SNX25: variants seen among roughly 807,000 people sequenced by gnomAD.
The protein encoded by SNX25 is sorting nexin-25.
In SNX25, 62 loss-of-function variants were observed where a neutral mutation model predicts 113.7. That is an observed-to-expected ratio of 0.55 (90% CI 0.44 to 0.67). The LOEUF (loss-of-function observed/expected upper bound fraction) is 0.67. SNX25 is among the 30% of genes least tolerant of loss of function. The pLI, the probability that SNX25 is intolerant of heterozygous loss-of-function variation, is 0.00. For missense variants in SNX25, 1,014 were observed against 1,161.0 expected, an observed-to-expected ratio of 0.87 and a Z score of 1.84; for synonymous variants, 421 against 436.2, an observed-to-expected ratio of 0.97 and a Z score of 0.43.
intron 7 of SNX25, among the ~76,000 whole-genome samples, chr4:185,311,362 A>T (rs889046702): frequency 6.6e-6 from 1 of 152,186 alleles, no homozygotes; most frequent in African/African-American, 2.4e-5. Context: ...GAACCATAAC[A>T]TCTCTCTGAC....
intron 6 of SNX25, among the ~76,000 whole-genome samples, chr4:185,290,782 A>G (rs1752059601): frequency 1.3e-5 from 2 of 149,400 alleles, no homozygotes; most frequent in African/African-American, 5.0e-5. Flanking sequence ...AAAGGTCAGA[A>G]TCTAGTTTAA....
At chr4:185,289,467 G>T (rs1751845597) in intron 6 of SNX25, among the ~76,000 whole-genome samples, 1 of 152,158 alleles carries the variant, frequency 6.6e-6, no homozygotes, top group South Asian at 2.1e-4. Context: ...AGAAGGGCAG[G>T]TGCCAAATCC....
At chr4:185,337,142 T>C (rs2095235449) in intron 10 of SNX25, among the ~76,000 whole-genome samples, 1 of 152,228 alleles carries the variant, frequency 6.6e-6, no homozygotes, top group African/African-American at 2.4e-5. Context: ...TTATTTCTTT[T>C]GCTGTGCAGT....
intron 1 of SNX25, among the ~76,000 whole-genome samples, chr4:185,235,493 T>C (rs1560916353): frequency 6.6e-6 from 1 of 152,226 alleles, no homozygotes; most frequent in East Asian, 1.9e-4. Flanking sequence ...ATTTTTCCAG[T>C]TCACCTATGC....
chr4:185,271,140 A>C (rs1333374246), intron 5 of SNX25, among the ~76,000 whole-genome samples: 1 of 152,154 alleles, frequency 6.6e-6, no homozygotes, highest in African/African-American at 2.4e-5. Flanking sequence ...CCTTTTGTGC[A>C]CTATTCCTGT....
At chr4:185,291,020 T>G (rs145508078) in intron 6 of SNX25, among the ~76,000 whole-genome samples, 62 of 152,312 alleles carry the variant, frequency 4.1e-4, no homozygotes, top group African/African-American at 1.5e-3. Context: ...GGATGACATT[T>G]TATGGCTACC....
In SNX25 at chr4:185,209,914, A is replaced by G. The variant is rs2111459579; in HGVS notation, c.88A>G (p.Arg30Gly). 1 of 982,844 alleles carries G rather than the reference A, an allele frequency of 1.0e-6. No homozygotes were observed. The highest frequency in any genetic ancestry group is 6.2e-5 in the Admixed American group (1 of 16,084). 60.9% of individuals were successfully genotyped at this position (982,844 alleles called of 1,614,324 possible). The change falls in exon 1 of 19, where the codon AGG (arginine) becomes GGG (glycine). Residue 30 changes from arginine (R) to glycine (G), a missense_variant. Physicochemically the swap from Arg to Gly is moderately radical, Grantham distance 125. Coordinates refer to ENST00000652585, the MANE Select transcript of SNX25 (RefSeq NM_001378034.2). The surrounding 1 kb of genome is among the most constrained non-coding windows in gnomAD (Gnocchi z 5.2). Reference sequence around the variant, plus strand: ...CGGCGGCCGTCCTGTCTCGGGCTTCAGGGGCGAGCGGCGGCCGGAGTCCCC... The same window carrying G: ...CGGCGGCCGTCCTGTCTCGGGCTTCGGGGGCGAGCGGCGGCCGGAGTCCCC... ...GAGGRPVSGF[R>G]GERRPESPGD...
intron 12 of SNX25, 98 bp from the exon 13 acceptor site, chr4:185,346,436 CAGG>C (rs2095287135): frequency 1.3e-6 from 1 of 780,072 alleles, no homozygotes; most frequent in Non-Finnish European, 2.1e-6. Context: ...GGAACAAGTA[CAGG>C]AGGAGGATAT....
intron 1 of SNX25, among the ~76,000 whole-genome samples, chr4:185,226,816 C>T (rs1011177950): frequency 1.3e-5 from 2 of 152,234 alleles, no homozygotes; most frequent in African/African-American, 2.4e-5. Flanking sequence ...AGAAATCCTA[C>T]TGTAAAGAAA....
At chr4:185,216,807 C>T (rs1738930371) in intron 1 of SNX25, among the ~76,000 whole-genome samples, 1 of 152,014 alleles carries the variant, frequency 6.6e-6, no homozygotes, top group African/African-American at 2.4e-5. Context: ...AGCTGTGAGC[C>T]ACCTCGCCCG....
chr4:185,297,831 C>G (rs191746219), intron 6 of SNX25, among the ~76,000 whole-genome samples: 4 of 132,596 alleles, frequency 3.0e-5, no homozygotes, highest in African/African-American at 1.2e-4. Flanking sequence ...CTAAATGTTT[C>G]AAAGTGCCTA....
intron 1 of SNX25, among the ~76,000 whole-genome samples, chr4:185,230,941 C>A (rs1368170938): frequency 6.6e-6 from 1 of 152,116 alleles, no homozygotes; most frequent in Non-Finnish European, 1.5e-5. Flanking sequence ...CAGATAGGGG[C>A]TTCCTGATGT....
At chr4:185,376,955 C>T in the SNX25 span, 1 of 1,613,972 alleles carries the variant, frequency 6.2e-7, no homozygotes, top group South Asian at 1.1e-5. Context: ...CAGAGTGTCT[C>T]CTTTCAGTAT....
intron 1 of SNX25, among the ~76,000 whole-genome samples, chr4:185,240,915 C>T (rs990995645): frequency 2.7e-5 from 4 of 149,828 alleles, no homozygotes; most frequent in African/African-American, 9.8e-5. Context: ...ACATCTCAGA[C>T]GATGGGCGGC....
chr4:185,260,581 T>G (rs1476354320), intron 3 of SNX25, among the ~76,000 whole-genome samples: 1 of 152,236 alleles, frequency 6.6e-6, no homozygotes, highest in Non-Finnish European at 1.5e-5. Context: ...ATTTACCATA[T>G]TTGATATTTA....
Position 185,240,830 on chromosome 4 carries a change from C to T in SNX25, c.430-6464C>T, listed in dbSNP as rs543707443. Among the ~76,000 whole-genome samples the T allele has an allele frequency of 5.0e-3, 750 of 150,322 alleles. 4 individuals carry two copies. Among genetic ancestry groups the T allele is most frequent in the African/African-American group, 0.017 (690 of 40,838 alleles). On this transcript the variant is annotated intron_variant, in intron 1 of 18. Transcript: ENST00000652585. ...GCGGTTGCCAGGCAGAGGGTCTCCT[C>T]ACTTCTCAGACGGGGCGGCCGGGCA...
intron 1 of SNX25, among the ~76,000 whole-genome samples, chr4:185,245,076 T>C (rs896571405): frequency 6.6e-5 from 10 of 152,088 alleles, no homozygotes; most frequent in African/African-American, 2.2e-4. Flanking sequence ...ACCGTAACAT[T>C]AGCCTTTTAG....
intron 1 of SNX25, among the ~76,000 whole-genome samples, chr4:185,239,763 A>ATTTTT (rs200021607): frequency 9.0e-5 from 11 of 122,436 alleles, no homozygotes; most frequent in Admixed American, 1.6e-4. Flanking sequence ...AATAAGGTGT[A>ATTTTT]TTTTTTTTTT....
chr4:185,272,949 C>G (rs1186390479), intron 5 of SNX25, among the ~76,000 whole-genome samples: 3 of 152,112 alleles, frequency 2.0e-5, no homozygotes, highest in Admixed American at 2.0e-4. Context: ...GGAGGTTGTT[C>G]TGTTTACTGT....
Sources: gnomAD v4.1 joint callset for allele counts (sites outside exome capture counted in the v4.1 genomes callset) on GRCh38, gnomAD v4.1.1 for gene constraint, Gnocchi (gnomAD v3.1) non-coding constraint, MANE v1.5 for transcripts, NCBI Gene and HGNC (gene_info 2026-07-23, HGNC 2026-07-21) for gene names.